The following LNP1 variants were observed in gnomAD, a reference collection of about 807,000 sequenced individuals.
LNP1 encodes the protein leukemia NUP98 fusion partner 1.
A neutral mutation model predicts 14.5 loss-of-function variants in LNP1; 12 were observed. That is an observed-to-expected ratio of 0.83 (90% CI 0.53 to 1.34). LNP1 has a LOEUF of 1.34. Ranked by LOEUF, LNP1 falls within the 40% of genes most tolerant of loss-of-function variation. The probability of loss-of-function intolerance (pLI) is 0.00; values close to 1 mark genes in which losing one functional copy is unlikely to be tolerated. For missense variants in LNP1, 198 were observed against 210.9 expected (o/e 0.94, Z 0.38); for synonymous variants, 75 against 71.4 (o/e 1.05, Z -0.26).
At chr3:100,423,479 G>A (rs185954680) in intron 1 of LNP1, among the ~76,000 whole-genome samples, 3 of 152,110 alleles carry the variant, frequency 2.0e-5, no homozygotes, top group Admixed American at 2.0e-4. Flanking sequence ...GCAACGTAGT[G>A]AGACCTCATC....
At chr3:100,420,440 T>A (rs1351868821) in intron 1 of LNP1, among the ~76,000 whole-genome samples, 1 of 152,070 alleles carries the variant, frequency 6.6e-6, no homozygotes, top group Non-Finnish European at 1.5e-5. Flanking sequence ...GCCTCCTGAG[T>A]AGCTGGGACT....
chr3:100,431,254 T>C (rs1383966880), intron 2 of LNP1, among the ~76,000 whole-genome samples: 5 of 152,238 alleles, frequency 3.3e-5, no homozygotes, highest in African/African-American at 7.2e-5. Context: ...TTAGCATCTA[T>C]GGAGCTTTTA....
At position 100,455,849 on chromosome 3, in the gene LNP1, G is replaced by C; in HGVS notation, c.460G>C (p.Glu154Gln). 6.2e-7 allele frequency: 1 copy of C among 1,614,064 alleles called. No individual in the cohort carries two copies. The highest frequency in any genetic ancestry group is 8.5e-7 in the Non-Finnish European group (1 of 1,179,892). ...RMEIKSRKKVEEERSSRKEEH... is the reference protein window; with the variant it reads ...RMEIKSRKKVQEERSSRKEEH... ...GGAGATAAAATCCCGAAAGAAAGTA[G>C]AGGAAGAAAGGAGCTCTAGGAAAGA... The change falls in exon 4 of 4, where the codon GAG becomes CAG. Residue 154 changes from glutamate (E) to glutamine (Q), a missense_variant. Transcript: ENST00000383693.
rs1232119336 is a variant in LNP1, at chr3:100,429,576, C to T, written c.-33-121C>T. The T allele has an allele frequency of 1.2e-5, 8 of 667,008 alleles. No individual in the cohort carries two copies. In the South Asian group the frequency reaches 1.2e-4, roughly 10 times the overall value. 41.3% of individuals were successfully genotyped at this position (667,008 alleles called of 1,614,324 possible). ...AAGTGGTTGTTTAGTAAATCTTTCTCCTTTAAGGATGCCAGTATCGGAGAC... is the reference window on the plus strand; with the variant it reads ...AAGTGGTTGTTTAGTAAATCTTTCTTCTTTAAGGATGCCAGTATCGGAGAC... On this transcript the variant is annotated intron_variant, in intron 1 of 3. Transcript: ENST00000383693.
rs1707506599 is a variant in LNP1 at position 100,455,915 on chromosome 3, G to T, written c.526G>T (p.Gly176Trp). The change falls in exon 4 of 4, where the codon GGG becomes TGG. Residue 176 changes from glycine (G) to tryptophan (W), a missense_variant. Coordinates refer to ENST00000383693, the MANE Select transcript of LNP1 (RefSeq NM_001085451.2). ...ACACATGGCTCCCCTGTTTGAAAAAGGGCCTGAATAATACTCTGCTTCTGC... is the reference window on the plus strand; with the variant it reads ...ACACATGGCTCCCCTGTTTGAAAAATGGCCTGAATAATACTCTGCTTCTGC... ...EAHMAPLFEKGPE is the reference protein window; with the variant it reads ...EAHMAPLFEKWPE The T allele has an allele frequency of 6.2e-7, 1 of 1,611,220 alleles. No individual in the cohort carries two copies. Among genetic ancestry groups the T allele is most frequent in the Non-Finnish European group, 8.5e-7 (1 of 1,179,402 alleles).
At chr3:100,422,607 T>G (rs1373041446) in intron 1 of LNP1, among the ~76,000 whole-genome samples, 1 of 152,118 alleles carries the variant, frequency 6.6e-6, no homozygotes, top group African/African-American at 2.4e-5. Flanking sequence ...ATCAGGGCTG[T>G]GTTTGAAGGT....
At chr3:100,416,671 T>A (rs948168949) in intron 1 of LNP1, among the ~76,000 whole-genome samples, 6 of 150,224 alleles carry the variant, frequency 4.0e-5, no homozygotes, top group African/African-American at 7.3e-5. Context: ...GTCCTTTTTT[T>A]AAAAAAAATA....
intron 3 of LNP1, among the ~76,000 whole-genome samples, chr3:100,453,292 C>T (rs1707476994): frequency 6.6e-6 from 1 of 152,038 alleles, no homozygotes; most frequent in African/African-American, 2.4e-5. Flanking sequence ...TGTCATTTTA[C>T]TGTATCTAAA....
intron 1 of LNP1, among the ~76,000 whole-genome samples, chr3:100,403,752 A>G (rs1031585132): frequency 7.9e-5 from 12 of 152,176 alleles, no homozygotes; most frequent in Admixed American, 1.3e-4. Context: ...CTGAATTCTT[A>G]TTCTAAATTT....
At chr3:100,426,122 A>T (rs1043291328) in intron 1 of LNP1, among the ~76,000 whole-genome samples, 1 of 152,200 alleles carries the variant, frequency 6.6e-6, no homozygotes, top group Non-Finnish European at 1.5e-5. Flanking sequence ...CTTGGGATTC[A>T]TCATTTCTGG....
chr3:100,415,015 C>T (rs1461094383), intron 1 of LNP1, among the ~76,000 whole-genome samples: 1 of 152,096 alleles, frequency 6.6e-6, no homozygotes, highest in African/African-American at 2.4e-5. Flanking sequence ...TACCGCATAC[C>T]ATACACAAAA....
intron 1 of LNP1, among the ~76,000 whole-genome samples, chr3:100,423,905 T>C (rs1461989493): frequency 2.0e-5 from 3 of 152,164 alleles, no homozygotes; most frequent in Middle Eastern, 3.2e-3. Flanking sequence ...AAAGCAGGTA[T>C]CTGGGCTTCA....
At chr3:100,427,089 G>A (rs967157410) in intron 1 of LNP1, among the ~76,000 whole-genome samples, 24 of 151,958 alleles carry the variant, frequency 1.6e-4, no homozygotes, top group Non-Finnish European at 1.9e-4. Context: ...TGTATGAGGC[G>A]ATGGGGTATT....
intron 1 of LNP1, among the ~76,000 whole-genome samples, chr3:100,421,011 C>T (rs1707139165): frequency 6.6e-6 from 1 of 151,906 alleles, no homozygotes; most frequent in Non-Finnish European, 1.5e-5. Context: ...AAGAGTCTTG[C>T]TCTGTTTCCC....
At chr3:100,416,433 T>C (rs1319127272) in intron 1 of LNP1, among the ~76,000 whole-genome samples, 1 of 152,170 alleles carries the variant, frequency 6.6e-6, no homozygotes, top group Admixed American at 6.5e-5. Context: ...TCTTTGTCTT[T>C]ATTTATTTTT....
intron 3 of LNP1, among the ~76,000 whole-genome samples, chr3:100,454,895 C>T (rs1707495385): frequency 6.6e-6 from 1 of 152,148 alleles, no homozygotes. Flanking sequence ...CTGATAAGCA[C>T]TCAGGGGTTT....
Position 100,401,643 on chromosome 3 carries a change from A to G in LNP1, c.-830A>G, listed in dbSNP as rs949158702. ...AACCAACGGATTAGAAGGACTTTTA[A>G]AGATGTGTGAGGAAAGAGCTCACCG... On this transcript the variant is annotated 5_prime_UTR_variant, in exon 1 of 4. Transcript: ENST00000383693. 1 of 152,410 alleles carries G rather than the reference A, an allele frequency of 6.6e-6. No homozygotes were observed. Among genetic ancestry groups the G allele is most frequent in the Non-Finnish European group, 1.5e-5 (1 of 68,122 alleles). 9.4% of individuals were successfully genotyped at this position (152,410 alleles called of 1,614,324 possible). A position where few individuals can be genotyped will look rare whatever the true frequency, so the allele number is the denominator to read the frequency against.
chr3:100,431,993 T>C (rs1179553533), intron 2 of LNP1, among the ~76,000 whole-genome samples: 8 of 936 alleles, frequency 8.5e-3, no homozygotes, highest in East Asian at 0.083. Flanking sequence ...AGACCTTGTT[T>C]ATATATATAT....
chr3:100,437,355 A>G (rs1707302575), intron 2 of LNP1, among the ~76,000 whole-genome samples: 1 of 152,180 alleles, frequency 6.6e-6, no homozygotes, highest in South Asian at 2.1e-4. Flanking sequence ...GTTTCTTCTT[A>G]TAGCTCTCCT....
Sources: allele counts gnomAD v4.1 joint callset (sites outside exome capture counted in the v4.1 genomes callset), GRCh38; gene constraint gnomAD v4.1.1; transcripts MANE v1.5; gene names NCBI Gene and HGNC (gene_info 2026-07-23, HGNC 2026-07-21).